The following LARGE1 variants were observed in gnomAD, a reference collection of about 807,000 sequenced individuals.
LARGE1 encodes LARGE xylosyl- and glucuronyltransferase 1, also known as xylosyl- and glucuronyltransferase LARGE1.
A neutral mutation model predicts 87.6 loss-of-function variants in LARGE1; 43 were observed. That is an observed-to-expected ratio of 0.49 (90% CI 0.38 to 0.63). The LOEUF is 0.63. Among genes scored for constraint, LARGE1 ranks in the 30% least tolerant of loss-of-function variants. LARGE1 has a pLI of 0.00. For synonymous variants in LARGE1, 434 were observed against 394.6 expected, an observed-to-expected ratio of 1.10 and a Z score of -1.18; for missense variants, 802 against 1,000.2, an observed-to-expected ratio of 0.80 and a Z score of 2.67.
At chr22:33,590,073 G>T (rs2078791717) in intron 5 of LARGE1, among the ~76,000 whole-genome samples, 1 of 152,066 alleles carries the variant, frequency 6.6e-6, no homozygotes, top group Non-Finnish European at 1.5e-5. Context: ...TTAACAAGAT[G>T]ATTCATCTTT....
intron 1 of LARGE1, among the ~76,000 whole-genome samples, chr22:33,859,698 A>C (rs1050285285): frequency 3.3e-5 from 5 of 152,350 alleles, no homozygotes; most frequent in South Asian, 2.1e-4. Flanking sequence ...TGTGGTCAAG[A>C]GCTGGAAGCA....
intron 2 of LARGE1, among the ~76,000 whole-genome samples, chr22:33,719,963 C>A (rs2083045716): frequency 6.6e-6 from 1 of 152,106 alleles, no homozygotes; most frequent in African/African-American, 2.4e-5. Flanking sequence ...ACCAGCAGTC[C>A]CCAGCCTTTT....
chr22:33,600,827 A>C (rs1421082812), intron 5 of LARGE1, among the ~76,000 whole-genome samples: 2 of 152,110 alleles, frequency 1.3e-5, no homozygotes, highest in African/African-American at 2.4e-5. Context: ...TAGGCAGATC[A>C]CCTGAGGTAG....
intron 11 of LARGE1, among the ~76,000 whole-genome samples, chr22:33,200,593 T>G (rs137446): frequency 0.59 from 90,436 of 152,090 alleles, 27,174 homozygotes; most frequent in Middle Eastern, 0.66. Context: ...AAAACTGGAA[T>G]GTTCATCCAC....
intron 11 of LARGE1, among the ~76,000 whole-genome samples, chr22:33,228,105 G>T (rs1925823329): frequency 6.6e-6 from 1 of 152,190 alleles, no homozygotes; most frequent in African/African-American, 2.4e-5. Flanking sequence ...TCTACCACTT[G>T]TGTGACCACA....
At chr22:33,302,798 C>G (rs1449446047) in intron 12 of LARGE1, among the ~76,000 whole-genome samples, 7 of 152,286 alleles carry the variant, frequency 4.6e-5, no homozygotes, top group South Asian at 4.2e-4. Flanking sequence ...GCTGCAGACG[C>G]TGGTTCACAC....
intron 2 of LARGE1, among the ~76,000 whole-genome samples, chr22:33,756,141 G>A (rs1435794171): frequency 1.3e-5 from 2 of 152,104 alleles, no homozygotes; most frequent in African/African-American, 2.4e-5. Context: ...AAACAATTGT[G>A]GAAGACCCCA....
At chr22:33,744,486 T>C (rs2084006441) in intron 2 of LARGE1, among the ~76,000 whole-genome samples, 1 of 152,212 alleles carries the variant, frequency 6.6e-6, no homozygotes, top group Non-Finnish European at 1.5e-5. Context: ...AGTCTTCCTC[T>C]TGCCCAGGCT....
chr22:33,214,784 G>A (rs575843156), intron 11 of LARGE1, among the ~76,000 whole-genome samples: 3 of 152,178 alleles, frequency 2.0e-5, no homozygotes, highest in African/African-American at 4.8e-5. Context: ...ATCTGTTTTC[G>A]CCAACCTAAG....
At chr22:33,543,158 C>T (rs771510832) in intron 6 of LARGE1, among the ~76,000 whole-genome samples, 3 of 151,794 alleles carry the variant, frequency 2.0e-5, no homozygotes, top group Non-Finnish European at 4.4e-5. Context: ...CCCAGTAAGG[C>T]ACACACCTAA....
intron 1 of LARGE1, among the ~76,000 whole-genome samples, chr22:33,781,559 C>A (rs2085421656): frequency 6.6e-6 from 1 of 152,154 alleles, no homozygotes; most frequent in Non-Finnish European, 1.5e-5. Context: ...GGAAAGAATG[C>A]AGACAGCAGA....
intron 11 of LARGE1, among the ~76,000 whole-genome samples, chr22:33,251,297 G>A (rs970054611): frequency 2.0e-4 from 30 of 152,146 alleles, no homozygotes; most frequent in African/African-American, 7.2e-4. Context: ...ACTCCTGATG[G>A]CTCTTTCTCT....
intron 2 of LARGE1, among the ~76,000 whole-genome samples, chr22:33,652,688 A>C (rs1207531276): frequency 6.6e-6 from 1 of 152,192 alleles, no homozygotes; most frequent in Non-Finnish European, 1.5e-5. Context: ...AAACTGTCCC[A>C]GAGAGTCTCT....
At position 33,746,195 on chromosome 22, in the gene LARGE1, T is replaced by C. The variant is rs552613732; in HGVS notation, c.106+15176A>G. 6.6e-5 allele frequency among the ~76,000 whole-genome samples: 10 copies of C among 152,114 alleles called. 2 individuals are homozygous for C. Among genetic ancestry groups the C allele is most frequent in the African/African-American group, 2.2e-4 (9 of 41,502 alleles). On this transcript the variant is annotated intron_variant, in intron 2 of 14. Transcript: ENST00000397394. ...AGGCAGAGCTTGCAGTGAGCAGAGA[T>C]CACACCACTGCACTGCAGCCTGGGC...
Position 33,878,129 on chromosome 22 carries a change from CTTTTTTTTT to C in LARGE1, c.-83+41857_-83+41865del, listed in dbSNP as rs1186663464. On this transcript the variant is annotated intron_variant, in intron 1 of 14. Coordinates refer to ENST00000397394, the MANE Select transcript of LARGE1 (RefSeq NM_133642.5). ...TATGTATGTTGTTTATATTGTATTT[CTTTTTTTTT>C]TTTTTTTTTTTTTTTTAGAGACAGA... 9.2e-3 allele frequency among the ~76,000 whole-genome samples: 411 copies of C among 44,662 alleles called. 23 individuals carry two copies. Among genetic ancestry groups the C allele is most frequent in the Admixed American group, 0.075 (259 of 3,468 alleles). 29.3% of individuals were successfully genotyped at this position (44,662 alleles called of 152,430 possible).
At chr22:33,476,499 T>C (rs2069086018) in intron 6 of LARGE1, among the ~76,000 whole-genome samples, 1 of 152,194 alleles carries the variant, frequency 6.6e-6, no homozygotes, top group African/African-American at 2.4e-5. Context: ...CTCTGTAAAA[T>C]GTATACAAGC....
At chr22:33,831,121 G>A (rs1437660953) in intron 1 of LARGE1, among the ~76,000 whole-genome samples, 5 of 121,216 alleles carry the variant, frequency 4.1e-5, no homozygotes, top group African/African-American at 9.5e-5. Context: ...TTTTTGAGAC[G>A]GAGTCTCGCT....
chr22:33,507,932 G>A (rs1352068837), intron 6 of LARGE1, among the ~76,000 whole-genome samples: 2 of 151,980 alleles, frequency 1.3e-5, no homozygotes, highest in African/African-American at 4.8e-5. Flanking sequence ...TGGAAGAGGG[G>A]GACCTTTAAA....
At chr22:33,161,052 T>C (rs1041311499), downstream of LARGE1, among the ~76,000 whole-genome samples, 3 of 152,298 alleles carry the variant, frequency 2.0e-5, no homozygotes, top group South Asian at 2.1e-4. Context: ...CAGTTTAGCA[T>C]GGCTGGGGAG....
Sources: allele counts gnomAD v4.1 joint callset (sites outside exome capture counted in the v4.1 genomes callset), GRCh38; gene constraint gnomAD v4.1.1; transcripts MANE v1.5; gene names NCBI Gene and HGNC (gene_info 2026-07-23, HGNC 2026-07-21).